The following PRSS55 variants were observed in gnomAD, a reference collection of about 807,000 sequenced individuals.
PRSS55 encodes the protein serine protease 55.
A neutral mutation model predicts 23.6 loss-of-function variants in PRSS55; 41 were observed. That is an observed-to-expected ratio of 1.74 (90% CI 1.35 to 2.26). PRSS55 has a LOEUF of 2.26. PRSS55 is among the 30% of genes most tolerant of loss of function. PRSS55 has a pLI of 0.00. For synonymous variants in PRSS55, 262 were observed against 175.5 expected (o/e 1.49, Z -3.90); for missense variants, 669 against 439.1 (o/e 1.52, Z -4.68).
chr8:10,530,096 G>A (rs955933030), intron 2 of PRSS55, among the ~76,000 whole-genome samples: 2 of 152,246 alleles, frequency 1.3e-5, no homozygotes, highest in African/African-American at 4.8e-5. Context: ...TCCTTGTAGA[G>A]CGTTCTCTGT....
intron 4 of PRSS55, among the ~76,000 whole-genome samples, chr8:10,534,297 G>A (rs1457020655): frequency 1.3e-5 from 2 of 152,184 alleles, no homozygotes; most frequent in African/African-American, 2.4e-5. Flanking sequence ...TGGCCTGGCT[G>A]GAGATCCTCA....
At chr8:10,543,711 CAT>C (rs58636081), downstream of PRSS55, among the ~76,000 whole-genome samples, 2,506 of 106,266 alleles carry the variant, frequency 0.024, 70 homozygotes, top group African/African-American at 0.062. Context: ...TAGTGCATCA[CAT>C]ATGTTTTTGT....
intron 3 of PRSS55, chr8:10,531,758 G>C: frequency 4.9e-6 from 3 of 611,730 alleles, no homozygotes; most frequent in Non-Finnish European, 8.5e-6. Flanking sequence ...GTCTGATCCA[G>C]CTAGCACAGA....
At chr8:10,542,421 A>AG (rs1209968874), downstream of PRSS55, among the ~76,000 whole-genome samples, 7 of 67,800 alleles carry the variant, frequency 1.0e-4, no homozygotes, top group South Asian at 5.8e-4. Context: ...ATGCGGGGGA[A>AG]AAAAAAAAAA....
chr8:10,531,718 A>C, intron 3 of PRSS55, 173 bp downstream of exon 3: 1 of 822,922 alleles, frequency 1.2e-6, no homozygotes, highest in Non-Finnish European at 1.9e-6. Context: ...CCAAGGTGAG[A>C]CACCAGGTCT....
intron 1 of PRSS55, among the ~76,000 whole-genome samples, chr8:10,528,520 G>C (rs1007872664): frequency 1.3e-5 from 2 of 152,194 alleles, no homozygotes; most frequent in Non-Finnish European, 2.9e-5. Flanking sequence ...GCTGGACCCG[G>C]CCTCTGTCCG....
intron 4 of PRSS55, among the ~76,000 whole-genome samples, 163 bp downstream of exon 4, chr8:10,533,211 T>A (rs1812334482): frequency 6.6e-6 from 1 of 152,226 alleles, no homozygotes; most frequent in African/African-American, 2.4e-5. Flanking sequence ...TTTCAGATCC[T>A]CTGGAGCTGT....
At chr8:10,540,373 T>G (rs1183320773), downstream of PRSS55, 1 of 152,228 alleles carries the variant, frequency 6.6e-6, no homozygotes, top group Admixed American at 6.5e-5. Flanking sequence ...GGGCTTTTCC[T>G]GGGGACCTAC....
In PRSS55 at chr8:10,529,521, T is replaced by A. The variant is rs779358127; in HGVS notation, c.169T>A (p.Ser57Thr). The stretch of plus-strand genomic sequence containing the variant: ...CTTTCCACCAGAATGTGGTGACAGA[T>A]CTATTTTCGAGGGAAGAACTCGGTA... ...PSPVSECGDR[S>T]IFEGRTRYSR... The change falls in exon 2 of 5, where the codon TCT (serine) becomes ACT (threonine). Residue 57 changes from serine to threonine, a missense_variant. Transcript: ENST00000328655. 1 of 1,614,108 alleles carries A rather than the reference T, an allele frequency of 6.2e-7. No homozygotes were observed. The highest frequency in any genetic ancestry group is 1.7e-5 in the Admixed American group (1 of 60,016).
chr8:10,543,419 T>TTA, downstream of PRSS55, among the ~76,000 whole-genome samples: 1 of 13,930 alleles, frequency 7.2e-5, no homozygotes, highest in Non-Finnish European at 2.7e-4. Flanking sequence ...CTTTCTTCTT[T>TTA]CTTTCTTCCT....
rs755844852 is a variant in PRSS55, at chr8:10,531,399, C to G, written c.452C>G (p.Ala151Gly). Residue 151 changes from alanine to glycine, a missense_variant, in exon 3 of 5, where the codon GCC becomes GGC. Physicochemically the swap from Ala to Gly is moderately conservative, Grantham distance 60. Coordinates refer to ENST00000328655, the MANE Select transcript of PRSS55 (RefSeq NM_198464.4). ...SIILHKDFKR[A>G]NMDNDIALLL... ...ATTCTTCACAAAGACTTTAAGAGAGCCAACATGGACAATGACATTGCCTTG... is the reference window on the plus strand; with the variant it reads ...ATTCTTCACAAAGACTTTAAGAGAGGCAACATGGACAATGACATTGCCTTG... The G allele has an allele frequency of 6.2e-7, 1 of 1,614,238 alleles. No homozygotes were observed. Among genetic ancestry groups the G allele is most frequent in the Non-Finnish European group, 8.5e-7 (1 of 1,180,056 alleles).
At chr8:10,548,935 T>C (rs1393250982) in intron 4 of PRSS55, among the ~76,000 whole-genome samples, 2 of 152,150 alleles carry the variant, frequency 1.3e-5, no homozygotes, top group Non-Finnish European at 2.9e-5. Flanking sequence ...CGACTGAGGC[T>C]GGGGTTGGAT....
In PRSS55 at chr8:10,538,779, G is replaced by A. The variant is rs574206262; in HGVS notation, c.1045G>A (p.Ala349Thr). 8.9e-6 allele frequency: 14 copies of A among 1,581,066 alleles called. No individual in the cohort carries two copies. Among genetic ancestry groups the A allele is most frequent in the South Asian group, 8.2e-5 (7 of 85,230 alleles). Residue 349 changes from alanine (A) to threonine (T), a missense_variant, in exon 5 of 5, where the codon GCT becomes ACT. By Grantham distance (58) the Ala-to-Thr change is moderately conservative (BLOSUM62 0). Coordinates refer to ENST00000328655, the MANE Select transcript of PRSS55 (RefSeq NM_198464.4). ...TCCCCTGTCCCATGTGTTGTTCAGA[G>A]CTATTTTGTACTGATAATAAAATAG... ...LCPLSHVLFR[A>T]ILY is the part of the protein sequence containing the mutation.
chr8:10,549,117 C>G (rs141105559), intron 4 of PRSS55, among the ~76,000 whole-genome samples: 1 of 152,200 alleles, frequency 6.6e-6, no homozygotes, highest in African/African-American at 2.4e-5. Flanking sequence ...TTCGCTTACC[C>G]TGGTCTAGAG....
At chr8:10,529,283 G>C in intron 1 of PRSS55, 1 of 590,464 alleles carries the variant, frequency 1.7e-6, no homozygotes, top group East Asian at 2.9e-5. Flanking sequence ...CAGAGCCAAT[G>C]CTTCTGACTC....
At position 10,546,813 on chromosome 8, in the gene PRSS55, AGCTGATT is replaced by A. The variant is rs1812829662; in HGVS notation, c.742-7127_742-7121del. On this transcript the variant is annotated intron_variant, in intron 4 of 4. Transcript: ENST00000522210. ...ATCCTCCCACCTCCACCTCCTGAGT[AGCTGATT>A]GCACACAGGAGTGTGCAATCACACC... is the stretch of plus-strand genomic sequence containing the variant. 2.0e-5 allele frequency among the ~76,000 whole-genome samples: 3 copies of A among 152,182 alleles called. No individual in the cohort carries two copies. The South Asian group carries it at 6.2e-4, about 32-fold the overall frequency.
At position 10,538,584 on chromosome 8, in the gene PRSS55, A is replaced by G. The variant is rs774369842; in HGVS notation, c.850A>G (p.Ile284Val). The change falls in exon 5 of 5, where the codon ATA becomes GTA. Residue 284 changes from isoleucine to valine, a missense_variant. Coordinates refer to ENST00000328655, the MANE Select transcript of PRSS55 (RefSeq NM_198464.4). ...CTGTGGAGAGAAGAACACCCCAGGG[A>G]TATACACCTCGTTGGTGAACTACAA... ...KSCGEKNTPG[I>V]YTSLVNYNLW... The G allele has an allele frequency of 2.5e-6, 4 of 1,614,144 alleles. No individual in the cohort carries two copies. Among genetic ancestry groups the G allele is most frequent in the Middle Eastern group, 1.6e-4 (1 of 6,062 alleles).
At chr8:10,530,801 C>G (rs949912381) in intron 2 of PRSS55, among the ~76,000 whole-genome samples, 2 of 152,202 alleles carry the variant, frequency 1.3e-5, no homozygotes, top group African/African-American at 4.8e-5. Context: ...CAAATATCCT[C>G]TGGGGTTCGG....
At chr8:10,543,468 C>CA, downstream of PRSS55, among the ~76,000 whole-genome samples, 1 of 104,302 alleles carries the variant, frequency 9.6e-6, no homozygotes, top group East Asian at 2.6e-4. Flanking sequence ...TCCTTCCTTT[C>CA]TTTCTTTCTC....
Sources: allele counts gnomAD v4.1 joint callset (sites outside exome capture counted in the v4.1 genomes callset), GRCh38; gene constraint gnomAD v4.1.1; transcripts MANE v1.5; gene names NCBI Gene and HGNC (gene_info 2026-07-23, HGNC 2026-07-21).